Variants in ANXA2 observed in about 807,000 individuals in gnomAD.
ANXA2 encodes annexin A2.
In ANXA2, 28 loss-of-function variants were observed where a neutral mutation model predicts 47.3. The ratio of observed to expected loss-of-function variants is 0.59; its 90% CI spans 0.44 to 0.81. ANXA2 has a LOEUF of 0.81. Ranked by LOEUF, ANXA2 falls within the 40% of genes least tolerant of loss-of-function variation. The pLI is 0.00. For missense variants in ANXA2, 384 were observed against 414.3 expected (o/e 0.93, Z 0.64); for synonymous variants, 172 against 155.5 (o/e 1.11, Z -0.79).
intron 6 of ANXA2, among the ~76,000 whole-genome samples, chr15:60,356,565 T>G (rs2062433545): frequency 6.6e-6 from 1 of 152,170 alleles, no homozygotes; most frequent in South Asian, 2.1e-4. Context: ...TTACCCTGAC[T>G]TGATAATTAC....
intron 3 of ANXA2, among the ~76,000 whole-genome samples, chr15:60,365,733 C>T (rs1376225456): frequency 1.3e-5 from 2 of 152,128 alleles, no homozygotes; most frequent in African/African-American, 2.4e-5. Context: ...CAAGTCCATA[C>T]CAATATGCTT....
chr15:60,369,436 A>T (rs2062683704), intron 3 of ANXA2, among the ~76,000 whole-genome samples: 1 of 152,374 alleles, frequency 6.6e-6, no homozygotes, highest in African/African-American at 2.4e-5. Flanking sequence ...ATCACAAAAT[A>T]CAATTCTATC....
chr15:60,364,645 C>A (rs886505303), intron 3 of ANXA2, 122 bp from the exon 4 acceptor site: 7 of 645,738 alleles, frequency 1.1e-5, no homozygotes, highest in Non-Finnish European at 1.6e-5. Context: ...ACTGAAATAC[C>A]CAGACACCAA....
At chr15:60,365,393 T>C (rs2062581238) in intron 3 of ANXA2, among the ~76,000 whole-genome samples, 1 of 152,202 alleles carries the variant, frequency 6.6e-6, no homozygotes, top group African/African-American at 2.4e-5. Context: ...ATTCAGAATG[T>C]GAAAAGTCTC....
At chr15:60,371,529 C>T (rs1279648174) in intron 3 of ANXA2, among the ~76,000 whole-genome samples, 2 of 152,222 alleles carry the variant, frequency 1.3e-5, no homozygotes, top group African/African-American at 4.8e-5. Flanking sequence ...CATGGCAAGG[C>T]ACCAACAGCC....
rs190488797 is a variant in ANXA2 at position 60,358,312 on chromosome 15, A to C, written c.358-1076T>G. On this transcript the variant is annotated intron_variant, in intron 5 of 12. Transcript: ENST00000451270. ...ATGTCAGATAGCTTGAAAGGACTCA[A>C]TGAAACATGTATTTCAAAGCTGGCT... 4.2e-3 allele frequency among the ~76,000 whole-genome samples: 641 copies of C among 152,346 alleles called. 4 individuals are homozygous for C. Among genetic ancestry groups the C allele is most frequent in the Middle Eastern group, 0.031 (9 of 294 alleles).
At chr15:60,393,095 C>T (rs1230069550) in intron 1 of ANXA2, 25 of 1,287,686 alleles carry the variant, frequency 1.9e-5, no homozygotes, top group Non-Finnish European at 4.0e-6. Flanking sequence ...ATGACTGAGT[C>T]ACAGGGCCAA....
intron 4 of ANXA2, among the ~76,000 whole-genome samples, chr15:60,363,181 C>A (rs1356768247): frequency 6.6e-6 from 1 of 152,044 alleles, no homozygotes; most frequent in African/African-American, 2.4e-5. Flanking sequence ...CCACTGGGAA[C>A]TTGGCTCTAC....
At chr15:60,388,933 G>A (rs564138233) in intron 1 of ANXA2, among the ~76,000 whole-genome samples, 13 of 147,436 alleles carry the variant, frequency 8.8e-5, no homozygotes, top group East Asian at 6.1e-4. Flanking sequence ...AGATAATGTC[G>A]CGTTACCTTG....
In ANXA2 at chr15:60,374,658, T is replaced by C. The variant is rs542705299; in HGVS notation, c.148+7684A>G. 5 of 456,112 alleles carry C rather than the reference T, an allele frequency of 1.1e-5. No homozygotes were observed. The East Asian group carries it at 2.1e-4, about 19-fold the overall frequency. The allele number at this position is 456,112 out of a possible 1,614,324, so 28.3% of individuals were successfully genotyped here. Reference sequence around the variant, plus strand: ...CAAGGACTCCTTTTCCAGTGTTTGATAGCTACGTGGCTCAGGTCTGGCACC... The same window carrying C: ...CAAGGACTCCTTTTCCAGTGTTTGACAGCTACGTGGCTCAGGTCTGGCACC... On this transcript the variant is annotated intron_variant, in intron 3 of 12. Transcript: ENST00000451270.
rs904530718 is a variant in ANXA2, at chr15:60,393,774, C to T, written c.-12+4169G>A. 1.2e-5 allele frequency: 10 copies of T among 833,988 alleles called. No individual in the cohort carries two copies. The African/African-American group carries it at 1.5e-4, about 12-fold the overall frequency. 51.7% of individuals were successfully genotyped at this position (833,988 alleles called of 1,614,324 possible). A position where few individuals can be genotyped will look rare whatever the true frequency, so the allele number is the denominator to read the frequency against. ...AGTTACATGTGTAAAGTCTGTCTTC[C>T]GTATTATCCGCCCACAGGGTTTCCA... On this transcript the variant is annotated intron_variant, in intron 1 of 12. Transcript: ENST00000451270.
At position 60,360,951 on chromosome 15, in the gene ANXA2, G is replaced by A. The variant is rs1398776705; in HGVS notation, c.347C>T (p.Ala116Val). Residue 116 changes from alanine (A) to valine (V), a missense_variant, in exon 5 of 13, where the codon GCT becomes GTT. By Grantham distance (64) the Ala-to-Val change is moderately conservative (BLOSUM62 0). Transcript: ENST00000451270. ...CTCACATGCATTTACCTTCATGGAA[G>A]CTTTTAGCTCAGAAGCGTCATACTG... ...PAQYDASELK[A>V]SMKGLGTDED... The A allele has an allele frequency of 6.2e-7, 1 of 1,603,874 alleles. No homozygotes were observed. Among genetic ancestry groups the A allele is most frequent in the Non-Finnish European group, 8.5e-7 (1 of 1,170,776 alleles).
Position 60,352,511 on chromosome 15 carries a change from A to G in ANXA2, c.589-35T>C. ...CAACCAACCAGGAAAAGTTAACTAC[A>G]CATCCAATGTAACGTCAAAAAAAAT... On this transcript the variant is annotated intron_variant, in intron 8 of 12. Coordinates refer to ENST00000451270, the MANE Select transcript of ANXA2 (RefSeq NM_004039.3). This position sits in a 1 kb window ranked among gnomAD's most constrained non-coding sequence, Gnocchi z 4.2. The G allele has an allele frequency of 6.9e-7, 1 of 1,452,508 alleles. No individual in the cohort carries two copies. Among genetic ancestry groups the G allele is most frequent in the Non-Finnish European group, 9.6e-7 (1 of 1,044,620 alleles). 90.0% of individuals were successfully genotyped at this position (1,452,508 alleles called of 1,614,324 possible).
At chr15:60,356,860 C>T (rs371150190) in intron 6 of ANXA2, among the ~76,000 whole-genome samples, 1 of 152,222 alleles carries the variant, frequency 6.6e-6, no homozygotes, top group Non-Finnish European at 1.5e-5. Context: ...TACTTCTCCT[C>T]ATCCGATCTT....
intron 5 of ANXA2, among the ~76,000 whole-genome samples, chr15:60,360,628 C>T (rs1314181174): frequency 3.3e-5 from 5 of 152,130 alleles, no homozygotes; most frequent in Non-Finnish European, 7.4e-5. Context: ...CTTAATATCA[C>T]AACATATCTT....
intron 6 of ANXA2, among the ~76,000 whole-genome samples, chr15:60,356,772 T>C (rs2062437270): frequency 6.6e-6 from 1 of 152,196 alleles, no homozygotes; most frequent in African/African-American, 2.4e-5. Context: ...TCTTCAATTA[T>C]CCACAGTCCA....
At chr15:60,390,237 G>T in intron 1 of ANXA2, 1 of 1,006,392 alleles carries the variant, frequency 9.9e-7, no homozygotes, top group South Asian at 3.8e-5. Context: ...TATGAAATTT[G>T]ACATTATCCC....
intron 2 of ANXA2, chr15:60,384,151 TACTC>T (rs1267141375): frequency 6.6e-6 from 1 of 152,244 alleles, no homozygotes; most frequent in Non-Finnish European, 1.5e-5. Context: ...TATTTTGAAA[TACTC>T]AGTGTGTTTG....
intron 8 of ANXA2, among the ~76,000 whole-genome samples, chr15:60,353,323 G>T (rs1261485767): frequency 6.6e-6 from 1 of 152,022 alleles, no homozygotes; most frequent in African/African-American, 2.4e-5. Context: ...AAAAGGACAG[G>T]TCTCTGCTGG....
Sources: gnomAD v4.1 joint callset for allele counts (sites outside exome capture counted in the v4.1 genomes callset) on GRCh38, gnomAD v4.1.1 for gene constraint, Gnocchi (gnomAD v3.1) non-coding constraint, MANE v1.5 for transcripts, NCBI Gene and HGNC (gene_info 2026-07-23, HGNC 2026-07-21) for gene names.